Variants in USH2A observed in about 807,000 individuals in gnomAD.
The protein encoded by USH2A is usherin.
Under a neutral mutation model 538.9 loss-of-function variants are expected in USH2A, and 443 were observed. The observed-to-expected ratio is 0.82, with a 90% CI of 0.76 to 0.89. The LOEUF is 0.89. Ranked by LOEUF, USH2A falls within the 40% of genes least tolerant of loss-of-function variation. The pLI is 0.00. For missense variants in USH2A, 6,633 were observed against 6,324.8 expected (o/e 1.05, Z -1.65); for synonymous variants, 2,413 against 2,273.5 (o/e 1.06, Z -1.75).
chr1:215,855,053 G>C (rs1664124453), intron 44 of USH2A, among the ~76,000 whole-genome samples: 1 of 152,112 alleles, frequency 6.6e-6, no homozygotes, highest in South Asian at 2.1e-4. Context: ...AAACCTTATT[G>C]AGGACTCTCT....
In USH2A at chr1:216,125,537, A is replaced by T. The variant is rs545299530; in HGVS notation, c.4628-28324T>A. Reference sequence around the variant, plus strand: ...GTGGAAGAGTTAGTAGGCGAGCTTTAAACATCAATTTTGATTGTGCGATGG... The same window carrying T: ...GTGGAAGAGTTAGTAGGCGAGCTTTTAACATCAATTTTGATTGTGCGATGG... On this transcript the variant is annotated intron_variant, in intron 21 of 71. Coordinates refer to ENST00000307340, the MANE Select transcript of USH2A (RefSeq NM_206933.4). 2.0e-5 allele frequency among the ~76,000 whole-genome samples: 3 copies of T among 152,328 alleles called. No homozygotes were observed. The East Asian group carries it at 5.8e-4, about 29-fold the overall frequency.
chr1:215,762,603 G>C (rs952666857), intron 56 of USH2A, among the ~76,000 whole-genome samples: 6 of 152,082 alleles, frequency 3.9e-5, no homozygotes, highest in African/African-American at 1.4e-4. Context: ...TGGTGATATG[G>C]GGACATCGTT....
intron 21 of USH2A, among the ~76,000 whole-genome samples, chr1:216,129,953 A>G (rs1048935214): frequency 1.3e-5 from 2 of 152,072 alleles, no homozygotes; most frequent in Admixed American, 1.3e-4. Flanking sequence ...AACATACCTT[A>G]GGGAGAATAC....
intron 48 of USH2A, among the ~76,000 whole-genome samples, chr1:215,814,422 C>G (rs984917184): frequency 6.6e-6 from 1 of 151,378 alleles, no homozygotes; most frequent in Non-Finnish European, 1.5e-5. Flanking sequence ...ACAGGTATTG[C>G]AGTGAAAGAC....
intron 44 of USH2A, among the ~76,000 whole-genome samples, chr1:215,846,978 C>A (rs2102824249): frequency 6.6e-6 from 1 of 152,322 alleles, no homozygotes; most frequent in African/African-American, 2.4e-5. Flanking sequence ...TCATCCTTCT[C>A]TTCTAGTTCA....
chr1:216,138,667 C>T (rs10495018), intron 21 of USH2A, among the ~76,000 whole-genome samples: 8,607 of 152,140 alleles, frequency 0.057, 334 homozygotes, highest in East Asian at 0.18. Context: ...TGACTCTGTT[C>T]TAGCAATAAC....
At chr1:216,331,931 T>C (rs183269314) in intron 4 of USH2A, among the ~76,000 whole-genome samples, 147 of 152,224 alleles carry the variant, frequency 9.7e-4, no homozygotes, top group African/African-American at 2.7e-3. Flanking sequence ...CATCAACTTA[T>C]TGAGAACTCT....
chr1:215,784,335 T>G (rs920056572), intron 52 of USH2A, among the ~76,000 whole-genome samples: 14 of 152,214 alleles, frequency 9.2e-5, no homozygotes, highest in African/African-American at 3.1e-4. Flanking sequence ...TTCAGTTGCC[T>G]AGACCATCTA....
chr1:215,708,314 G>A (rs531237712), intron 61 of USH2A, among the ~76,000 whole-genome samples: 55 of 152,230 alleles, frequency 3.6e-4, no homozygotes, highest in Admixed American at 5.9e-4. Flanking sequence ...TTTATTCACT[G>A]TCATATACCC....
At chr1:216,311,665 C>G (rs1381089172) in intron 9 of USH2A, among the ~76,000 whole-genome samples, 1 of 152,064 alleles carries the variant, frequency 6.6e-6, no homozygotes, top group Non-Finnish European at 1.5e-5. Context: ...GAGTTAACAT[C>G]CAGAGCAGCC....
rs527567514 is a variant in USH2A, at chr1:215,881,873, G to A, written c.8224-2775C>T. On this transcript the variant is annotated intron_variant, in intron 41 of 71. Coordinates refer to ENST00000307340, the MANE Select transcript of USH2A (RefSeq NM_206933.4). ...CAGAAAATAGGACGGCTAAATTGCC[G>A]GTTAAGTGTTTAAGGAACGATTGAC... Among the ~76,000 whole-genome samples, 25 of 152,186 alleles carry A rather than the reference G, an allele frequency of 1.6e-4. No homozygotes were observed. The South Asian group carries it at 3.3e-3, about 20-fold the overall frequency.
chr1:216,262,758 C>T (rs1202614234), intron 11 of USH2A, among the ~76,000 whole-genome samples: 1 of 151,894 alleles, frequency 6.6e-6, no homozygotes, highest in African/African-American at 2.4e-5. Context: ...CTAGAAAGGT[C>T]CTCTGCAAGG....
intron 14 of USH2A, among the ~76,000 whole-genome samples, chr1:216,230,601 C>A (rs553066685): frequency 4.0e-5 from 6 of 151,740 alleles, no homozygotes; most frequent in Admixed American, 2.6e-4. Context: ...CAGTAATTAC[C>A]CTGTCACCTG....
At chr1:216,414,444 C>T (rs530271674) in intron 3 of USH2A, among the ~76,000 whole-genome samples, 55 of 151,970 alleles carry the variant, frequency 3.6e-4, no homozygotes, top group South Asian at 6.2e-4. Flanking sequence ...TTAGGAAATT[C>T]GATTTCCAAT....
intron 34 of USH2A, among the ~76,000 whole-genome samples, chr1:215,997,161 T>A (rs1668160794): frequency 6.6e-6 from 1 of 152,098 alleles, no homozygotes; most frequent in Non-Finnish European, 1.5e-5. Flanking sequence ...CTTAACAGAG[T>A]TAAGTAAAAA....
intron 20 of USH2A, among the ~76,000 whole-genome samples, chr1:216,183,908 G>T (rs2034540544): frequency 6.6e-6 from 1 of 151,948 alleles, no homozygotes; most frequent in South Asian, 2.1e-4. Flanking sequence ...TTAATCAAGA[G>T]AAATATAACT....
At chr1:215,956,230 C>G (rs773065788) in intron 37 of USH2A, among the ~76,000 whole-genome samples, 1 of 152,132 alleles carries the variant, frequency 6.6e-6, no homozygotes, top group Non-Finnish European at 1.5e-5. Flanking sequence ...AAAACCAACA[C>G]TAGACAGGCA....
chr1:216,037,550 C>T (rs1364759402), intron 32 of USH2A, among the ~76,000 whole-genome samples: 1 of 152,022 alleles, frequency 6.6e-6, no homozygotes, highest in Non-Finnish European at 1.5e-5. Flanking sequence ...ACTCCTATTA[C>T]AATTATTTGA....
Position 215,813,770 on chromosome 1 carries a change from C to A in USH2A, c.9705G>T (p.Gln3235His), listed in dbSNP as rs1423116732. The A allele has an allele frequency of 6.2e-7, 1 of 1,613,936 alleles. No homozygotes were observed. Among genetic ancestry groups the A allele is most frequent in the South Asian group, 1.1e-5 (1 of 91,082 alleles). ...GRIQEAQPNH[Q>H]CCSGYYARIL... Reference sequence around the variant, plus strand: ...TTCTAGCGTAATACCCAGAGCAGCACTGATGATTTGGTTGTGCCTCCTGTA... The same window carrying A: ...TTCTAGCGTAATACCCAGAGCAGCAATGATGATTTGGTTGTGCCTCCTGTA... The change falls in exon 49 of 72, where the codon CAG becomes CAT. Residue 3235 changes from glutamine (Q) to histidine (H), a missense_variant. Transcript: ENST00000307340.
Sources: gnomAD v4.1 joint callset for allele counts (sites outside exome capture counted in the v4.1 genomes callset) on GRCh38, gnomAD v4.1.1 for gene constraint, MANE v1.5 for transcripts, NCBI Gene and HGNC (gene_info 2026-07-23, HGNC 2026-07-21) for gene names.